Variants in DOCK4 observed in about 807,000 individuals in gnomAD.
DOCK4 encodes the protein dedicator of cytokinesis protein 4.
Under a neutral mutation model 268.1 loss-of-function variants are expected in DOCK4, and 97 were observed. The ratio of observed to expected loss-of-function variants is 0.36; its 90% confidence interval spans 0.31 to 0.43. The LOEUF (loss-of-function observed/expected upper bound fraction) is 0.43. DOCK4 is among the 20% of genes least tolerant of loss of function. The pLI, the probability that DOCK4 is intolerant of heterozygous loss-of-function variation, is 1.00. For synonymous variants in DOCK4, 954 were observed against 887.2 expected, an observed-to-expected ratio of 1.08 and a Z score of -1.34; for missense variants, 2,145 against 2,455.7, an observed-to-expected ratio of 0.87 and a Z score of 2.67.
At chr7:111,960,293 G>T (rs551229896) in intron 8 of DOCK4, among the ~76,000 whole-genome samples, 92 of 151,104 alleles carry the variant, frequency 6.1e-4, no homozygotes, top group African/African-American at 2.0e-3. Flanking sequence ...GAACCCGGGA[G>T]GCAGAGGTTG....
intron 1 of DOCK4, among the ~76,000 whole-genome samples, chr7:112,072,827 G>A (rs764663559): frequency 4.6e-5 from 7 of 152,148 alleles, no homozygotes; most frequent in African/African-American, 7.2e-5. Context: ...GTAAAATGGC[G>A]GAGCTTTACT....
At chr7:112,122,397 T>G (rs1812811414) in intron 1 of DOCK4, among the ~76,000 whole-genome samples, 2 of 151,916 alleles carry the variant, frequency 1.3e-5, no homozygotes, top group Admixed American at 6.6e-5. Context: ...ACTTTAGAGG[T>G]GGGTCATTAT....
intron 50 of DOCK4, 69 bp from the exon 51 acceptor site, chr7:111,735,236 A>G: frequency 9.6e-7 from 1 of 1,042,902 alleles, no homozygotes; most frequent in South Asian, 1.8e-5. Flanking sequence ...AGATCTTAGA[A>G]GAAAGTCAGA....
intron 30 of DOCK4, among the ~76,000 whole-genome samples, chr7:111,797,946 C>T (rs1800014211): frequency 6.6e-6 from 1 of 152,182 alleles, no homozygotes; most frequent in African/African-American, 2.4e-5. Context: ...CAAATAGCAC[C>T]TTAGAAAGTC....
intron 16 of DOCK4, among the ~76,000 whole-genome samples, chr7:111,891,408 T>C (rs1808278385): frequency 6.6e-6 from 1 of 152,232 alleles, no homozygotes; most frequent in African/African-American, 2.4e-5. Flanking sequence ...TTTCCATGCA[T>C]ATAAAATTAT....
intron 23 of DOCK4, among the ~76,000 whole-genome samples, chr7:111,851,444 C>CAAAAAAAA (rs71524820): frequency 1.4e-5 from 1 of 73,132 alleles, no homozygotes; most frequent in Non-Finnish European, 3.0e-5. Context: ...GACTCCATCT[C>CAAAAAAAA]AAAAAAAAAA....
rs945241900 is a variant in DOCK4, at chr7:111,726,845, T to C, written c.*1429A>G. 6 of 152,584 alleles carry C rather than the reference T, an allele frequency of 3.9e-5. No homozygotes were observed. The highest frequency in any genetic ancestry group is 8.8e-5 in the Non-Finnish European group (6 of 68,024). The allele number at this position is 152,584 out of a possible 1,614,324, so 9.5% of individuals were successfully genotyped here. A position where few individuals can be genotyped will look rare whatever the true frequency, so the allele number is the denominator to read the frequency against. On this transcript the variant is annotated 3_prime_UTR_variant, in exon 53 of 53. Coordinates refer to ENST00000428084, the MANE Select transcript of DOCK4 (RefSeq NM_001363540.2). ...TACAAAAATACTTGAACATTTATTA[T>C]AGAAAACCTCTATAACCAGCCTCAA...
chr7:112,131,191 C>T (rs1236622566), intron 1 of DOCK4, among the ~76,000 whole-genome samples: 1 of 152,158 alleles, frequency 6.6e-6, no homozygotes, highest in Non-Finnish European at 1.5e-5. Flanking sequence ...ATGCTGCTCA[C>T]TAGATGAGAT....
intron 4 of DOCK4, among the ~76,000 whole-genome samples, chr7:111,997,310 A>G (rs1800047936): frequency 1.3e-5 from 2 of 152,226 alleles, no homozygotes; most frequent in Admixed American, 1.3e-4. Flanking sequence ...AGTAGTGGTA[A>G]TTATTAGAAT....
chr7:112,184,699 G>C (rs1819345348), intron 1 of DOCK4, among the ~76,000 whole-genome samples: 1 of 152,080 alleles, frequency 6.6e-6, no homozygotes. Flanking sequence ...CTGGTTCCCA[G>C]AAGTGTGAGC....
intron 47 of DOCK4, chr7:111,739,688 C>T (rs764655864): frequency 2.1e-5 from 12 of 560,118 alleles, no homozygotes; most frequent in Admixed American, 6.1e-5. Context: ...GGAATGCCTT[C>T]GTGTTAGATT....
intron 6 of DOCK4, among the ~76,000 whole-genome samples, chr7:111,987,079 A>C (rs2135198054): frequency 6.6e-6 from 1 of 152,100 alleles, no homozygotes; most frequent in Non-Finnish European, 1.5e-5. Context: ...TAAAATAAAC[A>C]GTCAAAGAAT....
chr7:111,905,519 C>T (rs1363501306), intron 13 of DOCK4, among the ~76,000 whole-genome samples: 1 of 152,168 alleles, frequency 6.6e-6, no homozygotes, highest in Non-Finnish European at 1.5e-5. Flanking sequence ...CCATTAACAG[C>T]TTGACCTAGA....
chr7:111,928,775 GATGGGTTTT>G (rs1262874143), intron 12 of DOCK4, among the ~76,000 whole-genome samples: 1 of 151,942 alleles, frequency 6.6e-6, no homozygotes, highest in East Asian at 1.9e-4. Flanking sequence ...TTTTAGTAGA[GATGGGTTTT>G]CACCACGTTG....
rs1298133943 is a variant in DOCK4, at chr7:112,119,637, T to A, written c.37+86465A>T. 2.0e-5 allele frequency among the ~76,000 whole-genome samples: 3 copies of A among 152,162 alleles called. No homozygotes were observed. In the East Asian group the frequency reaches 5.8e-4, roughly 29 times the overall value. ...GAAACAGAACCGGGTGGTTATTAAGTCTGAGTTCTGAAGTCAGAAACCTGG... is the reference window on the plus strand; with the variant it reads ...GAAACAGAACCGGGTGGTTATTAAGACTGAGTTCTGAAGTCAGAAACCTGG... On this transcript the variant is annotated intron_variant, in intron 1 of 52. Coordinates refer to ENST00000428084, the MANE Select transcript of DOCK4 (RefSeq NM_001363540.2).
chr7:111,858,300 T>C (rs1805184081), intron 23 of DOCK4, among the ~76,000 whole-genome samples: 1 of 152,252 alleles, frequency 6.6e-6, no homozygotes, highest in Admixed American at 6.5e-5. Context: ...GCATGCCTCC[T>C]CTGCTTTTTT....
chr7:112,071,179 T>C (rs1807550402), intron 1 of DOCK4, among the ~76,000 whole-genome samples: 1 of 152,226 alleles, frequency 6.6e-6, no homozygotes, highest in African/African-American at 2.4e-5. Flanking sequence ...GCTTATAATA[T>C]GATTTTATCT....
Position 111,935,531 on chromosome 7 carries a change from T to C in DOCK4, c.1066+9A>G. 1 of 1,612,106 alleles carries C rather than the reference T, an allele frequency of 6.2e-7. No homozygotes were observed. The highest frequency in any genetic ancestry group is 1.3e-5 in the African/African-American group (1 of 74,554). Reference sequence around the variant, plus strand: ...AGTGTAGGGAAAGTCAGCCAGCCCATACACTCACCTGCATTGGAGCCAGTC... The same window carrying C: ...AGTGTAGGGAAAGTCAGCCAGCCCACACACTCACCTGCATTGGAGCCAGTC... On this transcript the variant is annotated intron_variant, in intron 12 of 52. Transcript: ENST00000428084.
intron 1 of DOCK4, among the ~76,000 whole-genome samples, chr7:112,149,114 A>C (rs1586923823): frequency 1.3e-5 from 2 of 152,308 alleles, no homozygotes; most frequent in African/African-American, 4.8e-5. Context: ...GGTACATCAT[A>C]GAAACTCTCC....
Sources: gnomAD v4.1 joint callset for allele counts (sites outside exome capture counted in the v4.1 genomes callset) on GRCh38, gnomAD v4.1.1 for gene constraint, MANE v1.5 for transcripts, NCBI Gene and HGNC (gene_info 2026-07-23, HGNC 2026-07-21) for gene names.